The following SLC39A11 variants were observed in gnomAD, a reference collection of about 807,000 sequenced individuals.
SLC39A11 encodes the protein zinc transporter ZIP11.
A neutral mutation model predicts 36.1 loss-of-function variants in SLC39A11; 33 were observed. The observed-to-expected ratio is 0.91, with a 90% CI of 0.69 to 1.22. The LOEUF (loss-of-function observed/expected upper bound fraction) is 1.22, where lower values mean the gene tolerates loss of function less well. Ranked by LOEUF, SLC39A11 falls within the 50% of genes most tolerant of loss-of-function variation. The pLI is 0.00. For synonymous variants in SLC39A11, 166 were observed against 170.3 expected (o/e 0.97, Z 0.20); for missense variants, 432 against 430.3 (o/e 1.00, Z -0.03).
intron 3 of SLC39A11, among the ~76,000 whole-genome samples, chr17:73,046,840 C>G (rs372149534): frequency 2.6e-5 from 4 of 152,060 alleles, no homozygotes; most frequent in South Asian, 4.2e-4. Flanking sequence ...ACTTGGGAGG[C>G]TGAAGTGGGG....
chr17:73,065,063 A>G (rs1448314831), intron 3 of SLC39A11, among the ~76,000 whole-genome samples: 5 of 152,150 alleles, frequency 3.3e-5, no homozygotes, highest in Non-Finnish European at 7.3e-5. Context: ...AAAGGGGGAA[A>G]GAGATTGATT....
chr17:72,854,688 T>C (rs1307729524), intron 5 of SLC39A11, among the ~76,000 whole-genome samples: 1 of 152,206 alleles, frequency 6.6e-6, no homozygotes, highest in Non-Finnish European at 1.5e-5. Flanking sequence ...TTTTAACTTA[T>C]AATTGAGCAT....
intron 5 of SLC39A11, among the ~76,000 whole-genome samples, chr17:72,922,619 C>T (rs12051806): frequency 0.069 from 10,427 of 152,142 alleles, 877 homozygotes; most frequent in East Asian, 0.27. Context: ...TTTTAAGGAG[C>T]TCAATGAGTA....
chr17:72,952,135 C>T (rs1054521730), intron 4 of SLC39A11, among the ~76,000 whole-genome samples: 2 of 152,172 alleles, frequency 1.3e-5, no homozygotes, highest in African/African-American at 2.4e-5. Context: ...AGCTATGCAG[C>T]GTGGGAGCTA....
chr17:72,950,509 A>C (rs2085784125), intron 4 of SLC39A11, among the ~76,000 whole-genome samples: 1 of 152,162 alleles, frequency 6.6e-6, no homozygotes, highest in Non-Finnish European at 1.5e-5. Flanking sequence ...TTGTTTGTTT[A>C]TATGCTTTAA....
intron 6 of SLC39A11, among the ~76,000 whole-genome samples, chr17:72,773,369 AT>A (rs2076015790): frequency 6.6e-6 from 1 of 152,130 alleles, no homozygotes; most frequent in Non-Finnish European, 1.5e-5. Context: ...TAATTGAGTC[AT>A]GGGGGTGGCT....
chr17:73,009,121 T>G (rs1209439241), intron 4 of SLC39A11, among the ~76,000 whole-genome samples: 1 of 149,912 alleles, frequency 6.7e-6, no homozygotes, highest in Non-Finnish European at 1.5e-5. Flanking sequence ...TTCAGCACTT[T>G]GGGAGGCCAA....
intron 5 of SLC39A11, among the ~76,000 whole-genome samples, chr17:72,940,608 A>G (rs1373064856): frequency 6.6e-6 from 1 of 152,220 alleles, no homozygotes; most frequent in Non-Finnish European, 1.5e-5. Flanking sequence ...TCTTTGAGTA[A>G]CTTTTCAACT....
intron 7 of SLC39A11, among the ~76,000 whole-genome samples, chr17:72,660,463 A>T (rs772079079): frequency 1.3e-5 from 2 of 152,186 alleles, no homozygotes; most frequent in Non-Finnish European, 2.9e-5. Flanking sequence ...AAGGAGTTAA[A>T]TAACTGGCCC....
At chr17:72,896,889 C>T (rs1347167241) in intron 5 of SLC39A11, among the ~76,000 whole-genome samples, 1 of 151,222 alleles carries the variant, frequency 6.6e-6, no homozygotes, top group Non-Finnish European at 1.5e-5. Flanking sequence ...CCCATCTCTA[C>T]TAAAAATACA....
chr17:72,660,180 TGC>T (rs1388166730), intron 7 of SLC39A11, among the ~76,000 whole-genome samples: 9 of 152,196 alleles, frequency 5.9e-5, no homozygotes, highest in African/African-American at 2.2e-4. Context: ...ACAGAGCATG[TGC>T]CAGGAGCTGT....
chr17:73,056,813 G>A (rs1461206661), intron 3 of SLC39A11, among the ~76,000 whole-genome samples: 1 of 152,174 alleles, frequency 6.6e-6, no homozygotes, highest in East Asian at 1.9e-4. Flanking sequence ...TATGAACCCA[G>A]AACCTGTGCT....
Position 72,884,359 on chromosome 17 carries a change from C to T in SLC39A11, c.431-34555G>A, listed in dbSNP as rs115281787. ...CATTTCAAACAATGAATCCTCAGAG[C>T]GTTCATCCCTTCCATTCTGTTATCT... On this transcript the variant is annotated intron_variant, in intron 5 of 9. Coordinates refer to ENST00000255559, the MANE Select transcript of SLC39A11 (RefSeq NM_139177.4). Among the ~76,000 whole-genome samples the T allele has an allele frequency of 4.4e-3, 667 of 152,284 alleles. 1 individual carries two copies. The highest frequency in any genetic ancestry group is 0.016 in the African/African-American group (647 of 41,542).
At chr17:73,067,860 T>A in intron 3 of SLC39A11, 1 of 1,604,840 alleles carries the variant, frequency 6.2e-7, no homozygotes, top group East Asian at 2.2e-5. Context: ...TTGATTTTCT[T>A]TGTGGTTCAT....
intron 4 of SLC39A11, among the ~76,000 whole-genome samples, chr17:73,000,787 T>C (rs766898820): frequency 1.2e-4 from 18 of 152,198 alleles, no homozygotes; most frequent in Non-Finnish European, 2.5e-4. Flanking sequence ...TTCCTATAGC[T>C]CCAAGATATT....
intron 6 of SLC39A11, among the ~76,000 whole-genome samples, chr17:72,799,644 C>T (rs897188698): frequency 2.0e-5 from 3 of 152,124 alleles, no homozygotes; most frequent in African/African-American, 7.2e-5. Flanking sequence ...GAGATACGCC[C>T]TGGTCTCCTG....
chr17:72,709,472 G>T (rs2073029111), intron 7 of SLC39A11, among the ~76,000 whole-genome samples: 1 of 152,222 alleles, frequency 6.6e-6, no homozygotes, highest in Admixed American at 6.5e-5. Flanking sequence ...CTGATGTATA[G>T]GCTGCTCTTT....
intron 5 of SLC39A11, among the ~76,000 whole-genome samples, chr17:72,940,220 A>G (rs577107388): frequency 6.6e-6 from 1 of 151,834 alleles, no homozygotes; most frequent in Non-Finnish European, 1.5e-5. Context: ...TAACTTCATG[A>G]TAGCATAGAT....
chr17:72,966,894 C>G (rs1418394362), intron 4 of SLC39A11, among the ~76,000 whole-genome samples: 1 of 152,152 alleles, frequency 6.6e-6, no homozygotes, highest in African/African-American at 2.4e-5. Flanking sequence ...ACAGCCACTC[C>G]CCACTGCTGG....
Sources: allele counts gnomAD v4.1 joint callset (sites outside exome capture counted in the v4.1 genomes callset), GRCh38; gene constraint gnomAD v4.1.1; transcripts MANE v1.5; gene names NCBI Gene and HGNC (gene_info 2026-07-23, HGNC 2026-07-21).